The following TRAPPC10 variants were observed in gnomAD, a reference collection of about 807,000 sequenced individuals.
TRAPPC10 encodes trafficking protein particle complex subunit 10.
A neutral mutation model predicts 125.5 loss-of-function variants in TRAPPC10; 23 were observed. The observed-to-expected ratio is 0.18, with a 90% CI of 0.13 to 0.26. The LOEUF (loss-of-function observed/expected upper bound fraction) is 0.26. TRAPPC10 is among the 10% of genes least tolerant of loss of function. The pLI, the probability that TRAPPC10 is intolerant of heterozygous loss-of-function variation, is 1.00. For synonymous variants in TRAPPC10, 509 were observed against 518.0 expected, an observed-to-expected ratio of 0.98 and a Z score of 0.24; for missense variants, 1,123 against 1,308.4, an observed-to-expected ratio of 0.86 and a Z score of 2.19.
chr21:44,015,610 A>T (rs1209101586), intron 1 of TRAPPC10, among the ~76,000 whole-genome samples: 1 of 140,438 alleles, frequency 7.1e-6, no homozygotes, highest in East Asian at 2.0e-4. Flanking sequence ...AGCTCTCCAA[A>T]TTTTTTTTTT....
intron 1 of TRAPPC10, among the ~76,000 whole-genome samples, chr21:44,030,743 C>T (rs1264859479): frequency 1.3e-5 from 2 of 152,224 alleles, no homozygotes; most frequent in Non-Finnish European, 1.5e-5. Context: ...GCTGGGATTA[C>T]AGGTGTGAGC....
intron 5 of TRAPPC10, among the ~76,000 whole-genome samples, chr21:44,056,479 C>T (rs769453499): frequency 6.6e-6 from 1 of 152,084 alleles, no homozygotes; most frequent in Admixed American, 6.5e-5. Context: ...AGTGGGGAAA[C>T]CAGGTACATA....
chr21:44,035,465 GAGAA>G (rs1007471350), intron 2 of TRAPPC10, among the ~76,000 whole-genome samples: 19 of 152,190 alleles, frequency 1.2e-4, no homozygotes, highest in African/African-American at 4.6e-4. Flanking sequence ...GAGGGAGAGA[GAGAA>G]AAGCTTTTCA....
chr21:44,068,997 C>A (rs1427166321), intron 7 of TRAPPC10, among the ~76,000 whole-genome samples: 1 of 152,132 alleles, frequency 6.6e-6, no homozygotes, highest in East Asian at 1.9e-4. Context: ...CTTGATCTCA[C>A]CCCATAAACA....
intron 1 of TRAPPC10, among the ~76,000 whole-genome samples, chr21:44,024,466 T>A (rs569299665): frequency 6.6e-6 from 1 of 152,338 alleles, no homozygotes; most frequent in South Asian, 2.1e-4. Context: ...AGTTGCTTTA[T>A]CCCTCATTAC....
chr21:44,039,244 G>A (rs911726607), intron 3 of TRAPPC10, among the ~76,000 whole-genome samples: 3 of 152,100 alleles, frequency 2.0e-5, no homozygotes, highest in African/African-American at 4.8e-5. Context: ...ACCCATCTCC[G>A]TCAGCCCGTC....
intron 2 of TRAPPC10, among the ~76,000 whole-genome samples, chr21:44,036,905 G>A (rs552973768): frequency 1.3e-5 from 2 of 152,128 alleles, no homozygotes; most frequent in Non-Finnish European, 2.9e-5. Flanking sequence ...AATAGAGATA[G>A]ATGATAAGAC....
At chr21:44,020,680 G>A (rs1277846037) in intron 1 of TRAPPC10, among the ~76,000 whole-genome samples, 1 of 152,162 alleles carries the variant, frequency 6.6e-6, no homozygotes, top group East Asian at 1.9e-4. Context: ...GAAATTTTTA[G>A]CAGAGCCTTG....
At chr21:44,084,389 A>G (rs1395095544) in intron 15 of TRAPPC10, 126 bp downstream of exon 15, 20 of 965,086 alleles carry the variant, frequency 2.1e-5, no homozygotes, top group Non-Finnish European at 2.9e-5. Context: ...TGGGTAACAT[A>G]ATGGAAATTT....
chr21:44,077,921 T>A, intron 11 of TRAPPC10, 137 bp downstream of exon 11: 1 of 487,174 alleles, frequency 2.1e-6, no homozygotes, highest in Non-Finnish European at 3.3e-6. Context: ...GTCCTCATAA[T>A]TTTTTTTTCA....
chr21:44,034,556 T>C (rs940536445), intron 2 of TRAPPC10, among the ~76,000 whole-genome samples: 1 of 152,074 alleles, frequency 6.6e-6, no homozygotes, highest in African/African-American at 2.4e-5. Flanking sequence ...TCAGGAAAAT[T>C]GGATGGCCCC....
chr21:44,013,450 T>C (rs139374203), intron 1 of TRAPPC10, among the ~76,000 whole-genome samples: 1 of 152,254 alleles, frequency 6.6e-6, no homozygotes, highest in African/African-American at 2.4e-5. Flanking sequence ...TTTTCATGCA[T>C]GTATGCAGTT....
chr21:44,027,334 T>C (rs1202397089), intron 1 of TRAPPC10, among the ~76,000 whole-genome samples: 1 of 152,210 alleles, frequency 6.6e-6, no homozygotes, highest in Non-Finnish European at 1.5e-5. Flanking sequence ...TTTATACTTT[T>C]GTATGAGTAA....
At position 44,087,688 on chromosome 21, in the gene TRAPPC10, G is replaced by A. The variant is rs2038237748; in HGVS notation, c.2540-11G>A. On this transcript the variant is annotated splice_polypyrimidine_tract_variant and intron_variant, in intron 16 of 22. Coordinates refer to ENST00000291574, the MANE Select transcript of TRAPPC10 (RefSeq NM_003274.5). The surrounding 1 kb of genome is among the most constrained non-coding windows in gnomAD (Gnocchi z 4.6). ...GAACAGCTTTGAAGTGACTTTTTCT[G>A]TCCTTCGTAGAACAGTCTTCTGAGG... 1.2e-6 allele frequency: 2 copies of A among 1,611,250 alleles called. No individual in the cohort carries two copies.
At position 44,036,330 on chromosome 21, in the gene TRAPPC10, T is replaced by C. The variant is rs572284412; in HGVS notation, c.150-1462T>C. On this transcript the variant is annotated intron_variant, in intron 2 of 22. Transcript: ENST00000291574. ...AAGTACCCCAGACCCTAGAATTCTT[T>C]ATCATTCACAGTGTCATCAAGAGGG... Among the ~76,000 whole-genome samples, 3 of 152,338 alleles carry C rather than the reference T, an allele frequency of 2.0e-5. No individual in the cohort carries two copies. The South Asian group carries it at 6.2e-4, about 32-fold the overall frequency.
At chr21:44,019,126 G>T (rs1027454591) in intron 1 of TRAPPC10, among the ~76,000 whole-genome samples, 1 of 151,924 alleles carries the variant, frequency 6.6e-6, no homozygotes, top group Non-Finnish European at 1.5e-5. Flanking sequence ...GCATGATCTC[G>T]GCTCACTGCA....
At chr21:44,032,383 T>C (rs1035350782) in intron 2 of TRAPPC10, among the ~76,000 whole-genome samples, 11 of 143,316 alleles carry the variant, frequency 7.7e-5, no homozygotes, top group South Asian at 2.2e-4. Context: ...GGTTTTCTTT[T>C]TTTTTTTTTT....
Position 44,074,488 on chromosome 21 carries a change from T to C in TRAPPC10, c.1185+18T>C. 1 of 1,613,982 alleles carries C rather than the reference T, an allele frequency of 6.2e-7. No individual in the cohort carries two copies. The highest frequency in any genetic ancestry group is 1.1e-5 in the South Asian group (1 of 91,066). On this transcript the variant is annotated intron_variant, in intron 8 of 22. Coordinates refer to ENST00000291574, the MANE Select transcript of TRAPPC10 (RefSeq NM_003274.5). ...CAGAAAAGGTGCCTACCTGCCCAAG[T>C]GTGGAATGCTCACGTTGTCTCTGCG...
At chr21:44,060,230 A>G (rs1385480517) in intron 6 of TRAPPC10, 1 of 152,212 alleles carries the variant, frequency 6.6e-6, no homozygotes, top group Non-Finnish European at 1.5e-5. Context: ...TACTAAGTAA[A>G]AAAATAAAAT....
Sources: allele counts gnomAD v4.1 joint callset (sites outside exome capture counted in the v4.1 genomes callset), GRCh38; gene constraint gnomAD v4.1.1; non-coding constraint Gnocchi (gnomAD v3.1); transcripts MANE v1.5; gene names NCBI Gene and HGNC (gene_info 2026-07-23, HGNC 2026-07-21).